The following SH3D19 variants were observed in gnomAD, a reference collection of about 807,000 sequenced individuals.
SH3D19 encodes the protein SH3 domain containing 19, also known as SH3 domain-containing protein 19.
In SH3D19, 58 loss-of-function variants were observed where a neutral mutation model predicts 112.1. That is an observed-to-expected ratio of 0.52 (90% CI 0.42 to 0.64). SH3D19 has a LOEUF of 0.64. SH3D19 is among the 30% of genes least tolerant of loss of function. SH3D19 has a pLI of 0.00. For synonymous variants in SH3D19, 391 were observed against 448.5 expected (o/e 0.87, Z 1.62); for missense variants, 1,090 against 1,263.4 (o/e 0.86, Z 2.08).
intron 1 of SH3D19, among the ~76,000 whole-genome samples, chr4:151,306,704 C>T (rs912307632): frequency 6.6e-6 from 1 of 152,208 alleles, no homozygotes; most frequent in African/African-American, 2.4e-5. Context: ...GTTCTAAATG[C>T]TATGTAAGTA....
At chr4:151,286,843 G>A (rs555578432) in intron 1 of SH3D19, among the ~76,000 whole-genome samples, 1 of 151,882 alleles carries the variant, frequency 6.6e-6, no homozygotes, top group South Asian at 2.1e-4. Flanking sequence ...AGCCAGGCAT[G>A]GTGGCATGTG....
chr4:151,246,425 G>A (rs1393858235), intron 1 of SH3D19, among the ~76,000 whole-genome samples: 1 of 152,188 alleles, frequency 6.6e-6, no homozygotes, highest in African/African-American at 2.4e-5. Flanking sequence ...GTGCAGGATA[G>A]AGCCATTCTT....
At chr4:151,266,232 A>G (rs1245101780) in intron 1 of SH3D19, 2 of 152,376 alleles carry the variant, frequency 1.3e-5, no homozygotes, top group East Asian at 3.9e-4. Context: ...GACGGAGGAT[A>G]GTCAGCATGG....
chr4:151,260,825 C>T (rs886072010), intron 1 of SH3D19, among the ~76,000 whole-genome samples: 4 of 152,162 alleles, frequency 2.6e-5, no homozygotes, highest in African/African-American at 7.2e-5. Context: ...TACTCTATTC[C>T]CTGTCTGGAA....
intron 9 of SH3D19, among the ~76,000 whole-genome samples, chr4:151,156,452 C>G (rs1441194007): frequency 6.6e-6 from 1 of 152,182 alleles, no homozygotes; most frequent in African/African-American, 2.4e-5. Flanking sequence ...GCAAAAACAG[C>G]ATGGACCTAG....
Position 151,127,600 on chromosome 4 carries a change from A to C in SH3D19, c.3027+18T>G. On this transcript the variant is annotated intron_variant, in intron 19 of 19. Coordinates refer to ENST00000604030, the MANE Select transcript of SH3D19 (RefSeq NM_001378122.1). The stretch of plus-strand genomic sequence containing the variant: ...ATTATAGTGCTTAATGCAGTTATGA[A>C]GAGATACACATTCTGACCTTGAAGG... 9.4e-5 allele frequency: 135 copies of C among 1,440,838 alleles called. No homozygotes were observed. Among genetic ancestry groups the C allele is most frequent in the Non-Finnish European group, 1.2e-4 (121 of 1,045,810 alleles). The allele number at this position is 1,440,838 out of a possible 1,614,324, so 89.3% of individuals were successfully genotyped here.
At chr4:151,304,430 T>G (rs1405160960) in intron 1 of SH3D19, among the ~76,000 whole-genome samples, 1 of 152,192 alleles carries the variant, frequency 6.6e-6, no homozygotes, top group African/African-American at 2.4e-5. Flanking sequence ...TTAGCCTGCA[T>G]TCCTGGTACC....
chr4:151,275,460 C>G (rs1366592973), intron 1 of SH3D19, among the ~76,000 whole-genome samples: 1 of 152,188 alleles, frequency 6.6e-6, no homozygotes, highest in East Asian at 1.9e-4. Context: ...TTGATTTAAG[C>G]TAGCTTAAGT....
chr4:151,278,499 T>C (rs867045527), intron 1 of SH3D19, among the ~76,000 whole-genome samples: 3 of 152,010 alleles, frequency 2.0e-5, no homozygotes, highest in Non-Finnish European at 4.4e-5. Context: ...TTGTGAAAAG[T>C]AAGAAAAGTC....
intron 9 of SH3D19, among the ~76,000 whole-genome samples, chr4:151,155,941 A>C (rs530834735): frequency 3.0e-4 from 46 of 152,190 alleles, no homozygotes; most frequent in African/African-American, 1.1e-3. Flanking sequence ...TACCAAAAAA[A>C]CCCTCTTAGA....
At chr4:151,242,977 A>G (rs1459562103) in intron 1 of SH3D19, among the ~76,000 whole-genome samples, 1 of 152,236 alleles carries the variant, frequency 6.6e-6, no homozygotes, top group African/African-American at 2.4e-5. Context: ...GGGAAAAGAG[A>G]ATATGCAGAA....
intron 3 of SH3D19, among the ~76,000 whole-genome samples, chr4:151,179,896 T>C (rs1173950024): frequency 2.6e-5 from 4 of 152,222 alleles, no homozygotes; most frequent in Non-Finnish European, 4.4e-5. Flanking sequence ...ATTATTTATT[T>C]TGAGACAGGG....
chr4:151,179,131 CA>C (rs779158825), intron 4 of SH3D19, among the ~76,000 whole-genome samples: 4 of 152,174 alleles, frequency 2.6e-5, no homozygotes, highest in Non-Finnish European at 5.9e-5. Flanking sequence ...AAATCAACTT[CA>C]ATAAATAACT....
intron 1 of SH3D19, among the ~76,000 whole-genome samples, chr4:151,324,174 A>C (rs1730817829): frequency 6.6e-6 from 1 of 152,164 alleles, no homozygotes; most frequent in African/African-American, 2.4e-5. Context: ...AAAGGCATTA[A>C]ATTGACTATT....
At chr4:151,285,183 G>A (rs1487016798) in intron 1 of SH3D19, among the ~76,000 whole-genome samples, 2 of 152,188 alleles carry the variant, frequency 1.3e-5, no homozygotes, top group Admixed American at 6.5e-5. Context: ...CCTTCAGAGA[G>A]TAGCCTTTTA....
chr4:151,183,784 G>A (rs1182052031), intron 3 of SH3D19, among the ~76,000 whole-genome samples: 3 of 152,188 alleles, frequency 2.0e-5, no homozygotes, highest in Admixed American at 1.3e-4. Context: ...GTTTGGGACA[G>A]GGTATAAGAG....
chr4:151,309,409 C>A (rs1729225380), intron 1 of SH3D19, among the ~76,000 whole-genome samples: 1 of 151,562 alleles, frequency 6.6e-6, no homozygotes. Context: ...AAAGTTTCTG[C>A]AAAGCAAAGG....
chr4:151,190,468 C>T (rs1762440177), intron 2 of SH3D19, among the ~76,000 whole-genome samples: 1 of 152,154 alleles, frequency 6.6e-6, no homozygotes, highest in Non-Finnish European at 1.5e-5. Flanking sequence ...AAAATGGTTT[C>T]ATGGGTTAGG....
At position 151,190,689 on chromosome 4, in the gene SH3D19, G is replaced by A. The variant is rs191737803; in HGVS notation, c.153-3226C>T. Among the ~76,000 whole-genome samples, 422 of 152,328 alleles carry A rather than the reference G, an allele frequency of 2.8e-3. 4 individuals are homozygous for A. Among genetic ancestry groups the A allele is most frequent in the Middle Eastern group, 0.017 (5 of 294 alleles). On this transcript the variant is annotated intron_variant, in intron 2 of 19. Coordinates refer to ENST00000604030, the MANE Select transcript of SH3D19 (RefSeq NM_001378122.1). ...GGGAACCTCCACCTAGATTTCAGGGGATTTATGGAAACACCTGGATGTCCA... is the reference window on the plus strand; with the variant it reads ...GGGAACCTCCACCTAGATTTCAGGGAATTTATGGAAACACCTGGATGTCCA...
Sources: gnomAD v4.1 joint callset for allele counts (sites outside exome capture counted in the v4.1 genomes callset) on GRCh38, gnomAD v4.1.1 for gene constraint, MANE v1.5 for transcripts, NCBI Gene and HGNC (gene_info 2026-07-23, HGNC 2026-07-21) for gene names.